HSD17B12: variants seen among roughly 807,000 people sequenced by gnomAD.
HSD17B12 encodes very-long-chain 3-oxoacyl-CoA reductase.
HSD17B12 carries 32 observed loss-of-function variants against 39.3 expected under a neutral mutation model. The ratio of observed to expected loss-of-function variants is 0.81; its 90% CI spans 0.61 to 1.09. The LOEUF (loss-of-function observed/expected upper bound fraction) is 1.09. Among genes scored for constraint, HSD17B12 ranks in the 50% least tolerant of loss-of-function variants. The pLI is 0.00. For synonymous variants in HSD17B12, 150 were observed against 146.7 expected (o/e 1.02, Z -0.16); for missense variants, 342 against 382.9 (o/e 0.89, Z 0.89).
the HSD17B12 span, among the ~76,000 whole-genome samples, chr11:43,580,529 A>G: frequency 8.3e-4 from 126 of 152,056 alleles, no homozygotes; most frequent in Non-Finnish European, 1.3e-3. Flanking sequence ...GGGTGTTGAG[A>G]CATTCTCAAT....
the HSD17B12 span, among the ~76,000 whole-genome samples, chr11:43,581,921 C>G: frequency 1.3e-5 from 2 of 152,172 alleles, no homozygotes; most frequent in Non-Finnish European, 2.9e-5. The surrounding 1 kb of genome is among the most constrained non-coding windows in gnomAD (Gnocchi z 4.9). Flanking sequence ...CCGTAATGAT[C>G]CGATTCTGCA....
intron 1 of HSD17B12, among the ~76,000 whole-genome samples, chr11:43,700,440 C>G (rs1037943969): frequency 6.6e-6 from 1 of 152,000 alleles, no homozygotes; most frequent in African/African-American, 2.4e-5. Context: ...CTTAATCATT[C>G]TATTTTTTTT....
At chr11:43,788,475 T>C (rs920397735) in intron 3 of HSD17B12, among the ~76,000 whole-genome samples, 3 of 152,092 alleles carry the variant, frequency 2.0e-5, no homozygotes, top group African/African-American at 7.2e-5. Context: ...ATAGAGCTGT[T>C]TGTCTGCTCA....
chr11:43,612,969 A>G, the HSD17B12 span, among the ~76,000 whole-genome samples: 1,215 of 152,326 alleles, frequency 8.0e-3, 12 homozygotes, highest in Admixed American at 0.014. Context: ...TTTGAGGGAC[A>G]GTAGGCCAGT....
the HSD17B12 span, among the ~76,000 whole-genome samples, chr11:43,610,657 T>C: frequency 8.9e-4 from 136 of 152,312 alleles, no homozygotes; most frequent in Non-Finnish European, 1.8e-3. Flanking sequence ...AAAGATGGGT[T>C]CCACTTCATG....
chr11:43,852,793 C>T (rs1162741949), intron 9 of HSD17B12: 2 of 152,020 alleles, frequency 1.3e-5, no homozygotes, highest in Non-Finnish European at 2.9e-5. Context: ...GTGATAATCC[C>T]AATAAACAAA....
chr11:43,631,006 T>C, the HSD17B12 span, among the ~76,000 whole-genome samples: 1 of 152,156 alleles, frequency 6.6e-6, no homozygotes, highest in Non-Finnish European at 1.5e-5. Context: ...GTTTTTGCCA[T>C]GTTGGTCAGG....
At chr11:43,578,483 G>T in the HSD17B12 span, among the ~76,000 whole-genome samples, 2 of 152,166 alleles carry the variant, frequency 1.3e-5, no homozygotes, top group African/African-American at 4.8e-5. Flanking sequence ...GGCTTTTACC[G>T]ATGTGCAGAA....
At chr11:43,643,381 C>A in the HSD17B12 span, among the ~76,000 whole-genome samples, 1 of 152,076 alleles carries the variant, frequency 6.6e-6, no homozygotes, top group South Asian at 2.1e-4. Flanking sequence ...ATGAGAAAAA[C>A]CTTGAAGGAG....
Position 43,708,465 on chromosome 11 carries a change from G to T in HSD17B12, c.160+27478G>T, listed in dbSNP as rs1950035420. The stretch of plus-strand genomic sequence containing the variant: ...AGGTTTATAAAGAAAAGGCAGCTGT[G>T]AATGAAATGCTGAATTGCATCCCCC... On this transcript the variant is annotated intron_variant, in intron 1 of 10. Coordinates refer to ENST00000278353, the MANE Select transcript of HSD17B12 (RefSeq NM_016142.3). 2.6e-5 allele frequency among the ~76,000 whole-genome samples: 4 copies of T among 152,128 alleles called. No homozygotes were observed. The South Asian group carries it at 8.3e-4, about 32-fold the overall frequency.
intron 7 of HSD17B12, among the ~76,000 whole-genome samples, chr11:43,836,731 G>A (rs888771796): frequency 6.6e-6 from 1 of 151,884 alleles, no homozygotes. Flanking sequence ...TTTCATCAAA[G>A]GAATTTCTCA....
chr11:43,701,829 T>C (rs1949967667), intron 1 of HSD17B12, among the ~76,000 whole-genome samples: 1 of 152,212 alleles, frequency 6.6e-6, no homozygotes, highest in South Asian at 2.1e-4. Flanking sequence ...TGTGGTTCTG[T>C]ATAAATTTTA....
chr11:43,714,336 C>T (rs867963248), intron 1 of HSD17B12, among the ~76,000 whole-genome samples: 1 of 151,824 alleles, frequency 6.6e-6, no homozygotes, highest in Non-Finnish European at 1.5e-5. Context: ...TCAGCTTTCT[C>T]CATATGGCTA....
intron 4 of HSD17B12, among the ~76,000 whole-genome samples, chr11:43,800,017 C>T (rs990631829): frequency 6.6e-6 from 1 of 152,198 alleles, no homozygotes; most frequent in Non-Finnish European, 1.5e-5. Flanking sequence ...TTTGCATGTT[C>T]TTAAATATAT....
chr11:43,706,721 T>TGTG (rs368772116), intron 1 of HSD17B12, among the ~76,000 whole-genome samples: 4 of 139,204 alleles, frequency 2.9e-5, no homozygotes, highest in Non-Finnish European at 6.4e-5. Context: ...TGTGTGTGTG[T>TGTG]TGTGGGGGGT....
the HSD17B12 span, among the ~76,000 whole-genome samples, chr11:43,637,922 T>A: frequency 6.6e-6 from 1 of 152,122 alleles, no homozygotes; most frequent in Non-Finnish European, 1.5e-5. Flanking sequence ...GAGTAATAAT[T>A]AGCAAATTAT....
intron 4 of HSD17B12, among the ~76,000 whole-genome samples, chr11:43,812,123 G>A (rs976229395): frequency 3.9e-5 from 6 of 152,102 alleles, no homozygotes; most frequent in East Asian, 1.9e-4. Flanking sequence ...TTTATTTGTT[G>A]ATGGACACTT....
intron 3 of HSD17B12, among the ~76,000 whole-genome samples, chr11:43,773,133 C>T (rs1950665701): frequency 6.6e-6 from 1 of 152,078 alleles, no homozygotes; most frequent in African/African-American, 2.4e-5. Flanking sequence ...CACAAACTTT[C>T]AAGCCATTTT....
chr11:43,690,772 C>T (rs184756833), intron 1 of HSD17B12, among the ~76,000 whole-genome samples: 54 of 152,094 alleles, frequency 3.6e-4, no homozygotes, highest in African/African-American at 1.2e-3. Context: ...AGTGTTATCA[C>T]CTTAACTTCT....
Sources: allele counts gnomAD v4.1 joint callset (sites outside exome capture counted in the v4.1 genomes callset), GRCh38; gene constraint gnomAD v4.1.1; non-coding constraint Gnocchi (gnomAD v3.1); transcripts MANE v1.5; gene names NCBI Gene and HGNC (gene_info 2026-07-23, HGNC 2026-07-21).